GOLGA6B: variants seen among roughly 807,000 people sequenced by gnomAD.
GOLGA6B encodes golgin subfamily A member 6B.
In GOLGA6B, 11 loss-of-function variants were observed where a neutral mutation model predicts 63.0. The ratio of observed to expected loss-of-function variants is 0.17; its 90% CI spans 0.11 to 0.29. The LOEUF is 0.29. GOLGA6B is among the 10% of genes least tolerant of loss of function. GOLGA6B has a pLI of 1.00. For synonymous variants in GOLGA6B, 46 were observed against 232.6 expected, an observed-to-expected ratio of 0.20 and a Z score of 7.30; for missense variants, 134 against 563.8, an observed-to-expected ratio of 0.24 and a Z score of 7.72.
At chr15:72,657,386 G>A (rs3869333) in intron 2 of GOLGA6B, among the ~76,000 whole-genome samples, 17 of 151,036 alleles carry the variant, frequency 1.1e-4, no homozygotes, top group African/African-American at 3.4e-4. Context: ...TGCGTCACTC[G>A]GGGGACTTTT....
At chr15:72,660,697 C>T (rs2064591499) in intron 7 of GOLGA6B, among the ~76,000 whole-genome samples, 1 of 108,812 alleles carries the variant, frequency 9.2e-6, no homozygotes, top group Non-Finnish European at 1.9e-5. Context: ...CCTGGAGACA[C>T]CTCCCTTCTG....
At chr15:72,657,506 A>T (rs2064581984) in intron 2 of GOLGA6B, among the ~76,000 whole-genome samples, 2 of 120,800 alleles carry the variant, frequency 1.7e-5, no homozygotes, top group Admixed American at 8.6e-5. Context: ...CCTTTTCCTG[A>T]ACCCACATCT....
intron 2 of GOLGA6B, among the ~76,000 whole-genome samples, chr15:72,657,987 G>C: frequency 3.7e-5 from 1 of 27,106 alleles, no homozygotes; most frequent in South Asian, 1.7e-3. Context: ...TTTTGAGACA[G>C]AGTCTCACTC....
chr15:72,661,741 C>G lies in GOLGA6B; in HGVS notation c.760-18C>G. 1 of 438,272 alleles carries G rather than the reference C, an allele frequency of 2.3e-6. No individual in the cohort carries two copies. The highest frequency in any genetic ancestry group is 3.2e-5 in the East Asian group (1 of 30,978). The allele number at this position is 438,272 out of a possible 1,614,324, so 27.1% of individuals were successfully genotyped here. On this transcript the variant is annotated intron_variant, in intron 9 of 17. Transcript: ENST00000421285. Reference sequence around the variant, plus strand: ...CCAGCCCCTCTCTCCAGGGCCCTTTCCCCTGTGCTTTGGGCAGGCTCGAAC... The same window carrying G: ...CCAGCCCCTCTCTCCAGGGCCCTTTGCCCTGTGCTTTGGGCAGGCTCGAAC...
intron 2 of GOLGA6B, among the ~76,000 whole-genome samples, chr15:72,657,454 A>G (rs1265594048): frequency 2.0e-5 from 3 of 149,684 alleles, no homozygotes; most frequent in Admixed American, 1.3e-4. Flanking sequence ...GAAGAATGGC[A>G]CAGGCCATGG....
At chr15:72,663,786 A>C (rs2064615427) in intron 12 of GOLGA6B, among the ~76,000 whole-genome samples, 1 of 125,446 alleles carries the variant, frequency 8.0e-6, no homozygotes, top group Non-Finnish European at 1.8e-5. Context: ...TGACTTCAAA[A>C]GGAAGTTAGC....
rs549411881 is a variant in GOLGA6B at position 72,662,355 on chromosome 15, G to A, written c.951G>A (p.Lys317=). The A allele has an allele frequency of 5.7e-4, 799 of 1,390,430 alleles. 195 individuals carry two copies. The East Asian group carries it at 0.017, about 30-fold the overall frequency. 86.1% of individuals were successfully genotyped at this position (1,390,430 alleles called of 1,614,324 possible). Residue 317 remains lysine (K), a synonymous_variant, in exon 11 of 18, where the codon AAG becomes AAA. Coordinates refer to ENST00000421285, the MANE Select transcript of GOLGA6B (RefSeq NM_018652.5). ...AGGAGGTGGAAGGTCTGGAGGGAAAGCTCCAATCCCAGGTGGAAAACAATC... is the reference window on the plus strand; with the variant it reads ...AGGAGGTGGAAGGTCTGGAGGGAAAACTCCAATCCCAGGTGGAAAACAATC... The part of the protein sequence containing the change: ...LRQEVEGLEG[K]LQSQVENNQA...
At chr15:72,664,096 A>T (rs1161042311) in intron 12 of GOLGA6B, among the ~76,000 whole-genome samples, 1 of 130,068 alleles carries the variant, frequency 7.7e-6, no homozygotes, top group East Asian at 2.3e-4. Context: ...GCCAGCCACC[A>T]TGTGCCCTCA....
chr15:72,664,371 C>T lies in GOLGA6B; in HGVS notation c.1426-65C>T, dbSNP rs575447349. 50 of 1,295,948 alleles carry T rather than the reference C, an allele frequency of 3.9e-5. 3 individuals carry two copies. Among genetic ancestry groups the T allele is most frequent in the Middle Eastern group, 2.6e-4 (1 of 3,800 alleles). 80.3% of individuals were successfully genotyped at this position (1,295,948 alleles called of 1,614,324 possible). On this transcript the variant is annotated intron_variant, in intron 12 of 17. Coordinates refer to ENST00000421285, the MANE Select transcript of GOLGA6B (RefSeq NM_018652.5). ...ACCCAGGGGAGGCAGTTGCTGAGGACGGGGCCCCGAGGGGGATGACCTGGC... is the reference window on the plus strand; with the variant it reads ...ACCCAGGGGAGGCAGTTGCTGAGGATGGGGCCCCGAGGGGGATGACCTGGC...
rs745444336 is a variant in GOLGA6B, at chr15:72,664,465, C to A, written c.1455C>A (p.Asn485Lys). 3.0e-6 allele frequency: 4 copies of A among 1,342,876 alleles called. No individual in the cohort carries two copies. Among genetic ancestry groups the A allele is most frequent in the Non-Finnish European group, 4.1e-6 (4 of 981,138 alleles). 83.2% of individuals were successfully genotyped at this position (1,342,876 alleles called of 1,614,324 possible). A position where few individuals can be genotyped will look rare whatever the true frequency, so the allele number is the denominator to read the frequency against. ...ACCTAGAAGCTGCCAGCCAGCAGAA[C>A]CAACAGCTAGAGACCCAGCTAAGCC... ...EEHLEAASQQNQQLETQLSLV... is the reference protein window; with the variant it reads ...EEHLEAASQQKQQLETQLSLV... The change falls in exon 13 of 18, where the codon AAC (asparagine) becomes AAA (lysine). Residue 485 changes from asparagine (N) to lysine (K), a missense_variant. Transcript: ENST00000421285.
rs1310506687 is a variant in GOLGA6B, at chr15:72,664,300, T to C, written c.1426-136T>C. On this transcript the variant is annotated intron_variant, in intron 12 of 17. Transcript: ENST00000421285. ...TGGACCAGCTGCAGCAGCAGGAAGCTTGGGGCAAAGCGGTGGCTGAGATGG... is the reference window on the plus strand; with the variant it reads ...TGGACCAGCTGCAGCAGCAGGAAGCCTGGGGCAAAGCGGTGGCTGAGATGG... 2.0e-5 allele frequency: 23 copies of C among 1,144,534 alleles called. 6 individuals carry two copies. Among genetic ancestry groups the C allele is most frequent in the Non-Finnish European group, 2.7e-5 (22 of 822,750 alleles). 70.9% of individuals were successfully genotyped at this position (1,144,534 alleles called of 1,614,324 possible).
In GOLGA6B at chr15:72,669,490, T is replaced by G. The variant is rs1386582054; in HGVS notation, c.*3148T>G. Among the ~76,000 whole-genome samples, 2 of 151,624 alleles carry G rather than the reference T, an allele frequency of 1.3e-5. No homozygotes were observed. Among genetic ancestry groups the G allele is most frequent in the East Asian group, 3.9e-4 (2 of 5,174 alleles). On this transcript the variant is annotated 3_prime_UTR_variant, in exon 18 of 18. Transcript: ENST00000421285. ...ATGACTTTTACCAGTTTATGAATTC[T>G]TGTAAACAGAATGTATAATAGAAAT...
rs747747297 is a variant in GOLGA6B at position 72,662,214 on chromosome 15, G to A, written c.848-38G>A. 6 of 1,395,166 alleles carry A rather than the reference G, an allele frequency of 4.3e-6. 1 individual carries two copies. In the South Asian group the frequency reaches 8.3e-5, roughly 19 times the overall value. The allele number at this position is 1,395,166 out of a possible 1,614,324, so 86.4% of individuals were successfully genotyped here. On this transcript the variant is annotated intron_variant, in intron 10 of 17. Transcript: ENST00000421285. ...AGGGGGATGTGGGTAGAGGGGTTGG[G>A]GAATCCAGAGGCCCTTATTGTCTGC...
rs75562664 is a variant in GOLGA6B, at chr15:72,669,317, G to C, written c.*2975G>C. ...TTTAAAAGAATATAACTATTCATAA[G>C]TGTAACTGCTATCTTAATGTTTTGA... On this transcript the variant is annotated 3_prime_UTR_variant, in exon 18 of 18. Transcript: ENST00000421285. Among the ~76,000 whole-genome samples the C allele has an allele frequency of 3.9e-5, 6 of 151,904 alleles. No homozygotes were observed. Among genetic ancestry groups the C allele is most frequent in the African/African-American group, 1.2e-4 (5 of 41,342 alleles).
At chr15:72,660,690 G>GA (rs2064591480) in intron 7 of GOLGA6B, among the ~76,000 whole-genome samples, 1 of 79,406 alleles carries the variant, frequency 1.3e-5, no homozygotes, top group Admixed American at 1.2e-4. Context: ...CAGGGTGCCT[G>GA]GAGACACCTC....
Position 72,661,304 on chromosome 15 carries a change from A to C in GOLGA6B, c.605A>C (p.Gln202Pro), listed in dbSNP as rs2064595531. The C allele has an allele frequency of 6.2e-7, 1 of 1,613,300 alleles. No individual in the cohort carries two copies. Among genetic ancestry groups the C allele is most frequent in the African/African-American group, 1.3e-5 (1 of 74,850 alleles). ...CREAVLHRRL[Q>P]QTIKERALLN... ...GAAGCGGTCCTCCACCGGCGGTTAC[A>C]GCAGACCATAAAGGAGCGGGCGCTG... Residue 202 changes from glutamine (Q) to proline (P), a missense_variant, in exon 8 of 18, where the codon CAG becomes CCG. Coordinates refer to ENST00000421285, the MANE Select transcript of GOLGA6B (RefSeq NM_018652.5).
In GOLGA6B at chr15:72,669,523, C is replaced by T. The variant is rs1278485706; in HGVS notation, c.*3181C>T. 5.3e-5 allele frequency among the ~76,000 whole-genome samples: 8 copies of T among 151,900 alleles called. No homozygotes were observed. Among genetic ancestry groups the T allele is most frequent in the Admixed American group, 1.3e-4 (2 of 15,240 alleles). On this transcript the variant is annotated 3_prime_UTR_variant, in exon 18 of 18. Coordinates refer to ENST00000421285, the MANE Select transcript of GOLGA6B (RefSeq NM_018652.5). ...AGAATGTATAATAGAAATACTGAAA[C>T]ACTGTTGCCTAAAGTGGCATTGTTG... is the stretch of plus-strand genomic sequence containing the variant.
chr15:72,668,805 CT>C lies in GOLGA6B; in HGVS notation c.*2464del, dbSNP rs1024484463. Among the ~76,000 whole-genome samples, 1 of 95,038 alleles carries C rather than the reference CT, an allele frequency of 1.1e-5. No homozygotes were observed. The highest frequency in any genetic ancestry group is 3.0e-5 in the African/African-American group (1 of 33,402). 62.3% of individuals were successfully genotyped at this position (95,038 alleles called of 152,430 possible). Reference sequence around the variant, plus strand: ...CGGCATATTTAAGCTGAATGTCAGTCTGGAAAATGAATGTACTATATTAACT... The same window carrying C: ...CGGCATATTTAAGCTGAATGTCAGTCGGAAAATGAATGTACTATATTAACT... On this transcript the variant is annotated 3_prime_UTR_variant, in exon 18 of 18. Transcript: ENST00000421285.
In GOLGA6B at chr15:72,662,274, C is replaced by G. The variant is rs548743727; in HGVS notation, c.870C>G (p.Pro290=). The part of the protein sequence containing the change: ...NQMAKPPSLA[P]PAVTSVVEQL... Reference sequence around the variant, plus strand: ...CAGCTAAGCCCCCATCCCTGGCGCCCCCAGCAGTGACCTCTGTGGTGGAAC... The same window carrying G: ...CAGCTAAGCCCCCATCCCTGGCGCCGCCAGCAGTGACCTCTGTGGTGGAAC... The change falls in exon 11 of 18, where the codon CCC becomes CCG. Residue 290 remains proline (P), a synonymous_variant. Transcript: ENST00000421285. 1.2e-5 allele frequency: 17 copies of G among 1,386,606 alleles called. 3 individuals carry two copies. The African/African-American group carries it at 1.5e-4, about 12-fold the overall frequency. The allele number at this position is 1,386,606 out of a possible 1,614,324, so 85.9% of individuals were successfully genotyped here. A position where few individuals can be genotyped will look rare whatever the true frequency, so the allele number is the denominator to read the frequency against.
Sources: allele counts gnomAD v4.1 joint callset (sites outside exome capture counted in the v4.1 genomes callset), GRCh38; gene constraint gnomAD v4.1.1; transcripts MANE v1.5; gene names NCBI Gene and HGNC (gene_info 2026-07-23, HGNC 2026-07-21).